The following DNAH5 variants were observed in gnomAD, a reference collection of about 807,000 sequenced individuals.
The protein encoded by DNAH5 is axonemal beta dynein heavy chain 5.
A neutral mutation model predicts 518.2 loss-of-function variants in DNAH5; 372 were observed. The observed-to-expected ratio is 0.72, with a 90% CI of 0.66 to 0.78. The LOEUF is 0.78. Among genes scored for constraint, DNAH5 ranks in the 30% least tolerant of loss-of-function variants. The pLI is 0.00. For synonymous variants in DNAH5, 2,039 were observed against 2,025.9 expected, an observed-to-expected ratio of 1.01 and a Z score of -0.17; for missense variants, 5,523 against 5,687.0, an observed-to-expected ratio of 0.97 and a Z score of 0.93.
chr5:13,784,710 G>A (rs1180757770), intron 52 of DNAH5, among the ~76,000 whole-genome samples: 1 of 152,182 alleles, frequency 6.6e-6, no homozygotes, highest in Non-Finnish European at 1.5e-5. Flanking sequence ...AGACAGTGTC[G>A]AATCATTTTC....
chr5:13,863,977 C>T (rs1768847166), intron 28 of DNAH5, among the ~76,000 whole-genome samples: 1 of 152,196 alleles, frequency 6.6e-6, no homozygotes. Context: ...GCCTTCTTTG[C>T]ACTTTCCAAG....
At chr5:13,922,694 C>G (rs1228550801) in intron 4 of DNAH5, among the ~76,000 whole-genome samples, 1 of 143,312 alleles carries the variant, frequency 7.0e-6, no homozygotes, top group Non-Finnish European at 1.5e-5. Context: ...CGCCACTGCA[C>G]TCCAACCTGG....
chr5:13,808,107 G>C (rs532263199), intron 46 of DNAH5, among the ~76,000 whole-genome samples: 163 of 151,650 alleles, frequency 1.1e-3, no homozygotes, highest in African/African-American at 3.8e-3. Flanking sequence ...GTGTGCACCT[G>C]TAATCCCAGC....
rs1392755160 is a variant in DNAH5, at chr5:13,840,915, A to G, written c.5700T>C (p.Phe1900=). The change falls in exon 34 of 79, where the codon TTT becomes TTC. Residue 1900 remains phenylalanine, a synonymous_variant. Transcript: ENST00000265104. ...ITIHVHQRDI[F]DDLCHMHIKS... is the part of the protein sequence containing the mutation. ...TTTATAAAGAATTTACCAGGTCATCAAAGATATCCCTTTGGTGCACATGAA... is the reference window on the plus strand; with the variant it reads ...TTTATAAAGAATTTACCAGGTCATCGAAGATATCCCTTTGGTGCACATGAA... 6.2e-7 allele frequency: 1 copy of G among 1,613,806 alleles called. No homozygotes were observed. Among genetic ancestry groups the G allele is most frequent in the African/African-American group, 1.3e-5 (1 of 74,942 alleles).
intron 77 of DNAH5, 149 bp downstream of exon 77, chr5:13,701,135 G>T: frequency 9.3e-7 from 1 of 1,075,322 alleles, no homozygotes; most frequent in Non-Finnish European, 1.4e-6. Flanking sequence ...AGAACAACTG[G>T]CTGGGATTTA....
At chr5:13,992,647 G>A (rs1344699025) in intron 1 of DNAH5, among the ~76,000 whole-genome samples, 1 of 151,950 alleles carries the variant, frequency 6.6e-6, no homozygotes, top group African/African-American at 2.4e-5. Context: ...CCCTTGTAAT[G>A]GAGTTGTACT....
intron 12 of DNAH5, among the ~76,000 whole-genome samples, chr5:13,903,986 G>A (rs1002839167): frequency 6.6e-6 from 1 of 152,068 alleles, no homozygotes; most frequent in East Asian, 1.9e-4. Flanking sequence ...GTAATAACAA[G>A]TTTGAAAAGT....
At chr5:13,841,188 G>T in intron 33 of DNAH5, 58 bp from the exon 34 acceptor site, 6 of 1,301,620 alleles carry the variant, frequency 4.6e-6, no homozygotes, top group Non-Finnish European at 6.6e-6. Flanking sequence ...TATTTAAATA[G>T]AAATACAATG....
chr5:13,808,730 C>T (rs1561314489), intron 46 of DNAH5, among the ~76,000 whole-genome samples: 1 of 151,648 alleles, frequency 6.6e-6, no homozygotes, highest in Non-Finnish European at 1.5e-5. Context: ...GAGGCCGAGG[C>T]GGGCGGATCA....
At chr5:13,951,480 G>A (rs569359654) in intron 1 of DNAH5, among the ~76,000 whole-genome samples, 3 of 152,000 alleles carry the variant, frequency 2.0e-5, no homozygotes, top group East Asian at 1.9e-4. Context: ...TCAGCCTCCC[G>A]AGGTGCTGTG....
At chr5:13,716,416 T>G in intron 74 of DNAH5, 71 bp downstream of exon 74, 1 of 1,038,528 alleles carries the variant, frequency 9.6e-7, no homozygotes, top group Non-Finnish European at 1.5e-6. Context: ...ATATAGACAG[T>G]GTAATTAATA....
intron 49 of DNAH5, among the ~76,000 whole-genome samples, chr5:13,792,419 T>C (rs1160415604): frequency 6.6e-6 from 1 of 152,140 alleles, no homozygotes; most frequent in East Asian, 1.9e-4. Flanking sequence ...AGAAAATAAG[T>C]TCAAAACACT....
chr5:13,796,009 C>T (rs189449481), intron 47 of DNAH5, among the ~76,000 whole-genome samples: 204 of 152,272 alleles, frequency 1.3e-3, no homozygotes, highest in Non-Finnish European at 2.3e-3. Flanking sequence ...GCTCTTTATG[C>T]TAAAAACTCT....
Position 13,817,676 on chromosome 5 carries a change from C to A in DNAH5, c.6860G>T (p.Arg2287Leu). ...RAMTDCGKPH[R>L]EMRMNPKAIT... ...CGCTTTGGGATTCATCCTCATTTCC[C>A]GATGTGGTTTTCCACAATCTATACC... The change falls in exon 42 of 79, where the codon CGG (arginine) becomes CTG (leucine). Residue 2287 changes from arginine (R) to leucine (L), a missense_variant. Coordinates refer to ENST00000265104, the MANE Select transcript of DNAH5 (RefSeq NM_001369.3). 6.2e-7 allele frequency: 1 copy of A among 1,614,136 alleles called. No individual in the cohort carries two copies. Among genetic ancestry groups the A allele is most frequent in the Non-Finnish European group, 8.5e-7 (1 of 1,180,020 alleles).
At chr5:13,730,985 T>C (rs1307361038) in intron 68 of DNAH5, among the ~76,000 whole-genome samples, 1 of 152,198 alleles carries the variant, frequency 6.6e-6, no homozygotes, top group Non-Finnish European at 1.5e-5. Flanking sequence ...ATTAAAGGCA[T>C]GAGCCACCGC....
At chr5:13,925,986 T>C (rs1012967073) in intron 3 of DNAH5, among the ~76,000 whole-genome samples, 6 of 152,188 alleles carry the variant, frequency 3.9e-5, no homozygotes, top group Non-Finnish European at 8.8e-5. Context: ...GCTTGATTTA[T>C]GTCTCCTGGA....
rs1013618323 is a variant in DNAH5, at chr5:13,871,077, T to G, written c.3599-75A>C. On this transcript the variant is annotated intron_variant, in intron 23 of 78. Transcript: ENST00000265104. ...ACGAAAAGTCAAACTGTCGCTGTTC[T>G]CCAGTAGTAAATATTTTATAGCTTA... 7.8e-5 allele frequency: 86 copies of G among 1,099,846 alleles called. No individual in the cohort carries two copies. In the East Asian group the frequency reaches 2.0e-3, roughly 25 times the overall value. 68.1% of individuals were successfully genotyped at this position (1,099,846 alleles called of 1,614,324 possible).
chr5:13,876,174 C>T (rs984455438), intron 22 of DNAH5, among the ~76,000 whole-genome samples: 21 of 152,152 alleles, frequency 1.4e-4, no homozygotes, highest in Non-Finnish European at 2.5e-4. Context: ...CTTGAATGTA[C>T]ATTCATGTCC....
intron 1 of DNAH5, among the ~76,000 whole-genome samples, chr5:13,957,609 A>C (rs1346165365): frequency 6.6e-6 from 1 of 151,834 alleles, no homozygotes; most frequent in Non-Finnish European, 1.5e-5. Flanking sequence ...ACTGTGTGGA[A>C]GATGGTACAT....
Sources: allele counts gnomAD v4.1 joint callset (sites outside exome capture counted in the v4.1 genomes callset), GRCh38; gene constraint gnomAD v4.1.1; transcripts MANE v1.5; gene names NCBI Gene and HGNC (gene_info 2026-07-23, HGNC 2026-07-21).